EIF4A3: variants seen among roughly 807,000 people sequenced by gnomAD.
EIF4A3 encodes eukaryotic initiation factor 4A-III.
Under a neutral mutation model 55.6 loss-of-function variants are expected in EIF4A3, and 1 was observed. The ratio of observed to expected loss-of-function variants is 0.02; its 90% CI spans 0.01 to 0.09. The LOEUF (loss-of-function observed/expected upper bound fraction) is 0.09, where lower values mean the gene tolerates loss of function less well. Ranked by LOEUF, EIF4A3 falls within the 10% of genes least tolerant of loss-of-function variation. The pLI, the probability that EIF4A3 is intolerant of heterozygous loss-of-function variation, is 1.00. For missense variants in EIF4A3, 221 were observed against 540.7 expected (o/e 0.41, Z 5.86); for synonymous variants, 194 against 196.3 (o/e 0.99, Z 0.10).
rs1225850254 is a variant in EIF4A3 at position 80,138,852 on chromosome 17, TTTCAA to T, written c.728+164_728+168del. The T allele has an allele frequency of 8.5e-5, 74 of 873,924 alleles. 1 individual carries two copies. In the East Asian group the frequency reaches 1.8e-3, roughly 22 times the overall value. The allele number at this position is 873,924 out of a possible 1,614,324, so 54.1% of individuals were successfully genotyped here. A position where few individuals can be genotyped will look rare whatever the true frequency, so the allele number is the denominator to read the frequency against. On this transcript the variant is annotated intron_variant, in intron 7 of 11. Coordinates refer to ENST00000649764, the MANE Select transcript of EIF4A3 (RefSeq NM_014740.4). ...AGGAATTTTAAAAGAATTTGCATGC[TTTCAA>T]TTCCTTTACACTCAGGCAAGAGGAT...
At chr17:80,138,336 G>A (rs1453496220) in intron 7 of EIF4A3, 56 bp from the exon 8 acceptor site, 3 of 1,599,750 alleles carry the variant, frequency 1.9e-6, no homozygotes, top group African/African-American at 2.7e-5. Flanking sequence ...AGGACTTGAG[G>A]GTGGGCCAAG....
intron 1 of EIF4A3, among the ~76,000 whole-genome samples, 179 bp from the exon 2 acceptor site, chr17:80,144,423 T>C (rs1040536284): frequency 6.6e-6 from 1 of 151,908 alleles, no homozygotes; most frequent in African/African-American, 2.4e-5. Context: ...GAGTGATTTC[T>C]ACACTAACGT....
Position 80,140,160 on chromosome 17 carries a change from C to G in EIF4A3, c.373-20G>C. ...CAGCCCCTGAAACAAAGCACAGGTT[C>G]ACGTCCAGGGTGGGAGAGAGAAACA... On this transcript the variant is annotated intron_variant, in intron 4 of 11. Coordinates refer to ENST00000649764, the MANE Select transcript of EIF4A3 (RefSeq NM_014740.4). 1 of 1,573,796 alleles carries G rather than the reference C, an allele frequency of 6.4e-7. No individual in the cohort carries two copies. Among genetic ancestry groups the G allele is most frequent in the Non-Finnish European group, 8.6e-7 (1 of 1,156,640 alleles).
chr17:80,136,989 A>G (rs57674596), intron 9 of EIF4A3: 1 of 164,928 alleles, frequency 6.1e-6, no homozygotes, highest in Non-Finnish European at 1.3e-5. Context: ...CACAGCACAT[A>G]TGTTAAGCTG....
In EIF4A3 at chr17:80,146,936, G is replaced by C. The variant is rs199770425; in HGVS notation, c.26C>G (p.Thr9Ser). 6.2e-7 allele frequency: 1 copy of C among 1,607,946 alleles called. No homozygotes were observed. Among genetic ancestry groups the C allele is most frequent in the Non-Finnish European group, 8.5e-7 (1 of 1,178,160 alleles). Residue 9 changes from threonine (T) to serine (S), a missense_variant, in exon 1 of 12, where the codon ACC becomes AGC. Thr to Ser is a moderately conservative substitution (Grantham distance 58). Coordinates refer to ENST00000649764, the MANE Select transcript of EIF4A3 (RefSeq NM_014740.4). MATTATMA[T>S]SGSARKRLLK... ...CAGCCGCTTTCGCGCCGAGCCCGAG[G>C]TCGCCATCGTGGCCGTGGTCGCCAT...
At chr17:80,144,743 T>C (rs562045197) in intron 1 of EIF4A3, among the ~76,000 whole-genome samples, 1 of 152,318 alleles carries the variant, frequency 6.6e-6, no homozygotes, top group Admixed American at 6.5e-5. Context: ...GCATTAAGTC[T>C]GTGTGTTGCT....
rs1598608139 is a variant in EIF4A3 at position 80,147,106 on chromosome 17, T to TGCCGCTTCCGACCTCGCC, written c.-146_-145insGGCGAGGTCGGAAGCGGC. Reference sequence around the variant, plus strand: ...CTCGCTGTGCCGCTGCCGACCTCGCTGTGCCGCTGCCGACCTCGCTGTGCC... The same window carrying TGCCGCTTCCGACCTCGCC: ...CTCGCTGTGCCGCTGCCGACCTCGCTGCCGCTTCCGACCTCGCCGTGCCGCTGCCGACCTCGCTGTGCC... On this transcript the variant is annotated 5_prime_UTR_variant, in exon 1 of 12. Transcript: ENST00000649764. 1.7e-6 allele frequency: 2 copies of TGCCGCTTCCGACCTCGCC among 1,199,590 alleles called. No individual in the cohort carries two copies. The highest frequency in any genetic ancestry group is 3.3e-5 in the African/African-American group (2 of 59,886). 74.3% of individuals were successfully genotyped at this position (1,199,590 alleles called of 1,614,324 possible).
chr17:80,138,163 G>C lies in EIF4A3; in HGVS notation c.846C>G (p.Ile282Met). The change falls in exon 8 of 12, where the codon ATC becomes ATG. Residue 282 changes from isoleucine (I) to methionine (M), a missense_variant. Ile to Met is a conservative substitution (Grantham distance 10, BLOSUM62 1). Transcript: ENST00000649764. ...TTACCTTTCTTTTGGTGTTGCAGAA[G>C]ATGACCGCCTGAGTGATGGTCAGTG... ...YDTLTITQAV[I>M]FCNTKRKVDW... The C allele has an allele frequency of 1.2e-6, 2 of 1,614,056 alleles. No individual in the cohort carries two copies. Among genetic ancestry groups the C allele is most frequent in the Non-Finnish European group, 1.7e-6 (2 of 1,179,942 alleles).
intron 1 of EIF4A3, among the ~76,000 whole-genome samples, chr17:80,144,939 T>C (rs143348300): frequency 1.2e-3 from 188 of 152,384 alleles, no homozygotes; most frequent in South Asian, 2.9e-3. Flanking sequence ...TAAAATTTTA[T>C]GTACAAAAAC....
rs1051319997 is a variant in EIF4A3 at position 80,137,555 on chromosome 17, G to A, written c.868-54C>T. The A allele has an allele frequency of 9.9e-6, 14 of 1,407,588 alleles. No individual in the cohort carries two copies. In the African/African-American group the frequency reaches 1.8e-4, roughly 19 times the overall value. The allele number at this position is 1,407,588 out of a possible 1,614,324, so 87.2% of individuals were successfully genotyped here. A position where few individuals can be genotyped will look rare whatever the true frequency, so the allele number is the denominator to read the frequency against. On this transcript the variant is annotated intron_variant, in intron 8 of 11. Transcript: ENST00000649764. ...CAAGCTAGTATACCAAAGCAGAGAT[G>A]TGCATTCGGGACTTTACCGCATCAT...
rs1239828357 is a variant in EIF4A3 at position 80,139,508 on chromosome 17, G to A, written c.586+162C>T. Reference sequence around the variant, plus strand: ...ACAATGAACAAATAAATAAAATCAAGGTAGGAATTTTTTGTTCATAATTGC... The same window carrying A: ...ACAATGAACAAATAAATAAAATCAAAGTAGGAATTTTTTGTTCATAATTGC... On this transcript the variant is annotated intron_variant, in intron 6 of 11. Transcript: ENST00000649764. 9 of 689,336 alleles carry A rather than the reference G, an allele frequency of 1.3e-5. No individual in the cohort carries two copies. The Admixed American group carries it at 2.5e-4, about 19-fold the overall frequency. 42.7% of individuals were successfully genotyped at this position (689,336 alleles called of 1,614,324 possible). A position where few individuals can be genotyped will look rare whatever the true frequency, so the allele number is the denominator to read the frequency against.
intron 6 of EIF4A3, 44 bp from the exon 7 acceptor site, chr17:80,139,206 C>G: frequency 6.2e-7 from 1 of 1,608,008 alleles, no homozygotes; most frequent in Non-Finnish European, 8.5e-7. Flanking sequence ...TAGGGCGGCA[C>G]ACCCAGAAAT....
At position 80,135,382 on chromosome 17, in the gene EIF4A3, G is replaced by A; in HGVS notation, c.*108C>T. 2 of 1,317,704 alleles carry A rather than the reference G, an allele frequency of 1.5e-6. No individual in the cohort carries two copies. The highest frequency in any genetic ancestry group is 3.0e-5 in the African/African-American group (2 of 66,420). 81.6% of individuals were successfully genotyped at this position (1,317,704 alleles called of 1,614,324 possible). ...GGAAGGGAGACGGCAGGCCATTTAT[G>A]AGAAGAAAGTCCATATAAACCCCAT... is the stretch of plus-strand genomic sequence containing the variant. On this transcript the variant is annotated 3_prime_UTR_variant, in exon 12 of 12. Coordinates refer to ENST00000649764, the MANE Select transcript of EIF4A3 (RefSeq NM_014740.4).
intron 1 of EIF4A3, 109 bp from the exon 2 acceptor site, chr17:80,144,353 GCCTAA>G (rs1254410357): frequency 6.3e-6 from 6 of 950,700 alleles, no homozygotes; most frequent in Non-Finnish European, 9.8e-6. Context: ...CTGTCCTCCA[GCCTAA>G]CCCAGTGTTC....
rs376371546 is a variant in EIF4A3 at position 80,135,990 on chromosome 17, G to C, written c.1219+14C>G. 5.0e-6 allele frequency: 8 copies of C among 1,612,888 alleles called. No homozygotes were observed. The African/African-American group carries it at 1.1e-4, about 22-fold the overall frequency. On this transcript the variant is annotated intron_variant, in intron 11 of 11. Coordinates refer to ENST00000649764, the MANE Select transcript of EIF4A3 (RefSeq NM_014740.4). ...TTCCCTCTACAATTACAGTAGAGCTGGACGATTTCCTACCGTTCATCGGCA... is the reference window on the plus strand; with the variant it reads ...TTCCCTCTACAATTACAGTAGAGCTCGACGATTTCCTACCGTTCATCGGCA...
At position 80,137,476 on chromosome 17, in the gene EIF4A3, C is replaced by A; in HGVS notation, c.893G>T (p.Arg298Met). 1 of 1,613,770 alleles carries A rather than the reference C, an allele frequency of 6.2e-7. No individual in the cohort carries two copies. Among genetic ancestry groups the A allele is most frequent in the South Asian group, 1.1e-5 (1 of 90,978 alleles). The change falls in exon 9 of 12, where the codon AGG becomes ATG. Residue 298 changes from arginine to methionine, a missense_variant. By Grantham distance (91) the Arg-to-Met change is moderately conservative. This residue lies in a region of EIF4A3 where 93 missense variants were observed against 278.5 expected (regional missense o/e 0.33). Transcript: ENST00000649764. ...TGAGGATACAGTGAAGTTGGCTTCCCTCATTTTCTCCGTCAGCCAGTCCAC... is the reference window on the plus strand; with the variant it reads ...TGAGGATACAGTGAAGTTGGCTTCCATCATTTTCTCCGTCAGCCAGTCCAC... ...RKVDWLTEKM[R>M]EANFTVSSMH...
chr17:80,135,552 TG>T, intron 11 of EIF4A3, 46 bp from the exon 12 acceptor site: 5 of 1,509,190 alleles, frequency 3.3e-6, no homozygotes, highest in Non-Finnish European at 4.5e-6. Flanking sequence ...ACAAACAAAA[TG>T]AAAATTTGTT....
At position 80,146,829 on chromosome 17, in the gene EIF4A3, G is replaced by A. The variant is rs2039668828; in HGVS notation, c.133C>T (p.Leu45=). 6.2e-7 allele frequency: 1 copy of A among 1,611,128 alleles called. No individual in the cohort carries two copies. Among genetic ancestry groups the A allele is most frequent in the Non-Finnish European group, 8.5e-7 (1 of 1,179,118 alleles). The stretch of plus-strand genomic sequence containing the variant: ...ATGCCCCGCAGCAGGTCCTCCCGCA[G>A]GCCCATGGTGTCGAACGTGGGGGTC... ...DVTPTFDTMG[L]REDLLRGIYA... is the part of the protein sequence containing the mutation. The change falls in exon 1 of 12, where the codon CTG becomes TTG. Residue 45 remains leucine (L), a synonymous_variant. Transcript: ENST00000649764.
chr17:80,137,172 G>C (rs2039577904), intron 9 of EIF4A3: 1 of 413,536 alleles, frequency 2.4e-6, no homozygotes, highest in South Asian at 6.5e-5. Context: ...AACCTGGCTA[G>C]TTAAGGCTAG....
Sources: gnomAD v4.1 joint callset for allele counts (sites outside exome capture counted in the v4.1 genomes callset) on GRCh38, gnomAD v4.1.1 for gene constraint, gnomAD v4.1.1 regional missense constraint, MANE v1.5 for transcripts, NCBI Gene and HGNC (gene_info 2026-07-23, HGNC 2026-07-21) for gene names.